The following LUZP2 variants were observed in gnomAD, a reference collection of about 807,000 sequenced individuals.
LUZP2 encodes the protein leucine zipper protein 2.
Under a neutral mutation model 51.6 loss-of-function variants are expected in LUZP2, and 52 were observed. The observed-to-expected ratio is 1.01, with a 90% CI of 0.81 to 1.27. The LOEUF (loss-of-function observed/expected upper bound fraction) is 1.27, where lower values mean the gene tolerates loss of function less well. LUZP2 is among the 50% of genes most tolerant of loss of function. The probability of loss-of-function intolerance (pLI) is 0.00; values close to 1 mark genes in which losing one functional copy is unlikely to be tolerated. For missense variants in LUZP2, 436 were observed against 395.4 expected (o/e 1.10, Z -0.87); for synonymous variants, 154 against 137.3 (o/e 1.12, Z -0.85).
intron 5 of LUZP2, among the ~76,000 whole-genome samples, chr11:24,871,040 T>G (rs1020076177): frequency 2.0e-5 from 3 of 152,150 alleles, no homozygotes; most frequent in South Asian, 2.1e-4. Context: ...TATATTTAGG[T>G]CCATTCTTAG....
chr11:24,820,773 G>A (rs1850334446), intron 5 of LUZP2, among the ~76,000 whole-genome samples: 1 of 152,108 alleles, frequency 6.6e-6, no homozygotes. Context: ...ACCATAGGAT[G>A]TGTATTAAGA....
chr11:24,651,118 C>T (rs1855610986), intron 1 of LUZP2, among the ~76,000 whole-genome samples: 1 of 151,994 alleles, frequency 6.6e-6, no homozygotes, highest in Non-Finnish European at 1.5e-5. Context: ...AGTTTATAAG[C>T]CCAGGTGGAT....
chr11:24,548,354 G>A (rs1218144829), intron 1 of LUZP2, among the ~76,000 whole-genome samples: 1 of 152,020 alleles, frequency 6.6e-6, no homozygotes, highest in Non-Finnish European at 1.5e-5. Flanking sequence ...TATATACCAT[G>A]GAATACTATG....
chr11:24,796,594 A>T (rs1849553089), intron 5 of LUZP2, among the ~76,000 whole-genome samples: 1 of 150,778 alleles, frequency 6.6e-6, no homozygotes, highest in African/African-American at 2.4e-5. Flanking sequence ...GGAAAGTGAG[A>T]GAAGAGGTTC....
intron 1 of LUZP2, among the ~76,000 whole-genome samples, chr11:24,659,762 T>C (rs1247180321): frequency 2.0e-5 from 3 of 152,162 alleles, no homozygotes; most frequent in Non-Finnish European, 4.4e-5. Flanking sequence ...TATGTGCTTC[T>C]TTATTAGTGT....
chr11:24,834,521 T>G (rs1373139467), intron 5 of LUZP2, among the ~76,000 whole-genome samples: 1 of 152,252 alleles, frequency 6.6e-6, no homozygotes, highest in Non-Finnish European at 1.5e-5. Flanking sequence ...TGGTTTGAAG[T>G]CTTTGCTATT....
chr11:24,889,248 A>G (rs1852771767), intron 5 of LUZP2, among the ~76,000 whole-genome samples: 1 of 152,170 alleles, frequency 6.6e-6, no homozygotes, highest in Admixed American at 6.5e-5. Context: ...ATTATGTAAC[A>G]TGTGGGTGGG....
chr11:24,683,188 A>G (rs1277826711), intron 1 of LUZP2, among the ~76,000 whole-genome samples: 1 of 152,200 alleles, frequency 6.6e-6, no homozygotes, highest in Non-Finnish European at 1.5e-5. Context: ...CTAGACAAAG[A>G]GAAGTGTTGA....
chr11:24,948,824 CATCTATCT>C (rs67058181), intron 7 of LUZP2, among the ~76,000 whole-genome samples: 7,739 of 122,546 alleles, frequency 0.063, 567 homozygotes, highest in African/African-American at 0.17. Context: ...ATCTATCTAT[CATCTATCT>C]ATCTATCTAT....
chr11:25,076,342 G>A (rs1173910642), intron 10 of LUZP2, among the ~76,000 whole-genome samples: 1 of 152,112 alleles, frequency 6.6e-6, no homozygotes, highest in Middle Eastern at 3.2e-3. Flanking sequence ...ATTTCACCTG[G>A]CCTAATGTTC....
intron 10 of LUZP2, among the ~76,000 whole-genome samples, chr11:25,058,873 T>G (rs536110368): frequency 3.0e-4 from 45 of 152,216 alleles, no homozygotes; most frequent in South Asian, 6.2e-4. Context: ...AAACCAGCAC[T>G]AAAACATTGT....
At chr11:24,907,457 A>G (rs1259697297) in intron 6 of LUZP2, among the ~76,000 whole-genome samples, 1 of 152,148 alleles carries the variant, frequency 6.6e-6, no homozygotes, top group Non-Finnish European at 1.5e-5. Context: ...AAATTAGCCT[A>G]AATGGTTTGT....
At chr11:24,497,973 C>A (rs944205013) in intron 1 of LUZP2, among the ~76,000 whole-genome samples, 17 of 152,310 alleles carry the variant, frequency 1.1e-4, no homozygotes, top group Non-Finnish European at 1.2e-4. Context: ...GTACTGTACT[C>A]CATCACTGGC....
intron 1 of LUZP2, among the ~76,000 whole-genome samples, chr11:24,693,271 T>C (rs370520728): frequency 1.5e-4 from 23 of 151,696 alleles, no homozygotes; most frequent in African/African-American, 4.8e-4. Flanking sequence ...TGTATGACTA[T>C]GCCACTAGAA....
At chr11:24,662,412 A>G (rs1208751459) in intron 1 of LUZP2, among the ~76,000 whole-genome samples, 2 of 152,140 alleles carry the variant, frequency 1.3e-5, no homozygotes, top group Admixed American at 6.5e-5. Flanking sequence ...AAACATTTCT[A>G]AATAGCTAAA....
chr11:24,822,453 T>C (rs543379114), intron 5 of LUZP2, among the ~76,000 whole-genome samples: 1 of 152,320 alleles, frequency 6.6e-6, no homozygotes, highest in South Asian at 2.1e-4. Context: ...GTGTTCATTG[T>C]GTGTGCACAT....
At chr11:24,733,248 C>G (rs117090448) in intron 3 of LUZP2, among the ~76,000 whole-genome samples, 4,386 of 151,772 alleles carry the variant, frequency 0.029, 80 homozygotes, top group Non-Finnish European at 0.043. Context: ...ATGTGAAATT[C>G]TCTTTAAAGT....
chr11:24,980,752 T>A (rs1186863561), intron 8 of LUZP2, among the ~76,000 whole-genome samples: 2 of 151,638 alleles, frequency 1.3e-5, no homozygotes, highest in Non-Finnish European at 2.9e-5. Context: ...ATGAAAATAG[T>A]TTGTGAGCTG....
chr11:24,905,670 C>T (rs530566799), intron 5 of LUZP2, among the ~76,000 whole-genome samples: 22 of 152,212 alleles, frequency 1.4e-4, no homozygotes, highest in Admixed American at 7.9e-4. Flanking sequence ...TATTTTAGGA[C>T]GCAAACACCC....
Sources: gnomAD v4.1 joint callset for allele counts (sites outside exome capture counted in the v4.1 genomes callset) on GRCh38, gnomAD v4.1.1 for gene constraint, MANE v1.5 for transcripts, NCBI Gene and HGNC (gene_info 2026-07-23, HGNC 2026-07-21) for gene names.